The following LMTK3 variants were observed in gnomAD, a reference collection of about 807,000 sequenced individuals.
LMTK3 encodes the protein serine/threonine-protein kinase LMTK3.
LMTK3 carries 27 observed loss-of-function variants against 116.7 expected under a neutral mutation model. The observed-to-expected ratio is 0.23, with a 90% CI of 0.17 to 0.32. The LOEUF (loss-of-function observed/expected upper bound fraction) is 0.32. Ranked by LOEUF, LMTK3 falls within the 10% of genes least tolerant of loss-of-function variation. The pLI, the probability that LMTK3 is intolerant of heterozygous loss-of-function variation, is 1.00. For missense variants in LMTK3, 1,764 were observed against 2,068.5 expected (o/e 0.85, Z 2.86); for synonymous variants, 965 against 971.0 (o/e 0.99, Z 0.11).
At chr19:48,486,912 C>A (rs547934188) in intron 14 of LMTK3, among the ~76,000 whole-genome samples, 1 of 152,174 alleles carries the variant, frequency 6.6e-6, no homozygotes, top group African/African-American at 2.4e-5. Context: ...GTTGCCCAGG[C>A]TGGCATGCAG....
In LMTK3 at chr19:48,497,168, G is replaced by GT. The variant is rs1972342298; in HGVS notation, c.3676+224dup. Among the ~76,000 whole-genome samples the GT allele has an allele frequency of 6.6e-6, 1 of 152,188 alleles. No individual in the cohort carries two copies. Among genetic ancestry groups the GT allele is most frequent in the Non-Finnish European group, 1.5e-5 (1 of 68,024 alleles). ...GACGTAGGTTCTATCCCTGCCATCC[G>GT]TTTTTGGCAGATGGGTAAACTGAGG... On this transcript the variant is annotated intron_variant, in intron 11 of 14. Coordinates refer to ENST00000600059, the MANE Select transcript of LMTK3 (RefSeq NM_001388485.1). The surrounding 1 kb of genome is among the most constrained non-coding windows in gnomAD (Gnocchi z 5.7).
In LMTK3 at chr19:48,498,684, G is replaced by A; in HGVS notation, c.2385C>T (p.Tyr795=). ...CTGGGGAAAAAGGGGTCTCGGTCTC[G>A]TAGCCGCTGTCCCCCGGCTTGGGGC... ...SPGPKPGDSG[Y]ETETPFSPEG... Residue 795 remains tyrosine (Y), a synonymous_variant, in exon 11 of 15, where the codon TAC becomes TAT. Coordinates refer to ENST00000600059, the MANE Select transcript of LMTK3 (RefSeq NM_001388485.1). 1 of 1,536,242 alleles carries A rather than the reference G, an allele frequency of 6.5e-7. No individual in the cohort carries two copies. The highest frequency in any genetic ancestry group is 1.2e-5 in the South Asian group (1 of 83,952).
chr19:48,501,088 G>T lies in LMTK3; in HGVS notation c.1059C>A (p.His353Gln). ...LFEFGAQPYR[H>Q]LSDEEVLAFV... Reference sequence around the variant, plus strand: ...AGGCGAGGACCTCCTCGTCTGACAGGTGGCGGTAGGGCTGGGCCCCAAACT... The same window carrying T: ...AGGCGAGGACCTCCTCGTCTGACAGTTGGCGGTAGGGCTGGGCCCCAAACT... The change falls in exon 10 of 15, where the codon CAC (histidine) becomes CAA (glutamine). Residue 353 changes from histidine (H) to glutamine (Q), a missense_variant. His to Gln is a conservative substitution (Grantham distance 24). Transcript: ENST00000600059. 6.3e-7 allele frequency: 1 copy of T among 1,590,686 alleles called. No individual in the cohort carries two copies.
chr19:48,487,737 T>C (rs143527388), intron 14 of LMTK3, among the ~76,000 whole-genome samples: 2,264 of 152,182 alleles, frequency 0.015, 27 homozygotes, highest in Non-Finnish European at 0.022. Flanking sequence ...CAGGTTCTCG[T>C]TGGGGGCCTC....
Position 48,494,396 on chromosome 19 carries a change from C to A in LMTK3, c.3677-287G>T, listed in dbSNP as rs1972288068. On this transcript the variant is annotated intron_variant, in intron 11 of 14. Transcript: ENST00000600059. The surrounding 1 kb of genome is among the most constrained non-coding windows in gnomAD (Gnocchi z 4.0). The stretch of plus-strand genomic sequence containing the variant: ...CTGATTTCTCTGGCCTCTGTCCCCA[C>A]CTCCTCTGGCCTGACCTCCATCTAG... Among the ~76,000 whole-genome samples the A allele has an allele frequency of 6.6e-6, 1 of 152,240 alleles. No individual in the cohort carries two copies. Among genetic ancestry groups the A allele is most frequent in the African/African-American group, 2.4e-5 (1 of 41,464 alleles).
At chr19:48,508,774 G>A in intron 5 of LMTK3, 77 bp downstream of exon 5, 1 of 1,107,838 alleles carries the variant, frequency 9.0e-7, no homozygotes, top group East Asian at 2.3e-5. Flanking sequence ...GATTCCAGGT[G>A]TGACCCCATA....
chr19:48,510,518 C>T lies in LMTK3; in HGVS notation c.151G>A (p.Ala51Thr). The part of the protein sequence containing the change: ...VVLISCSGLL[A>T]FIFLLLTCLC... Reference sequence around the variant, plus strand: ...CAGGTGAGGAGGAGGAAGATGAAGGCCAGCAGGCCGGAGCAGGAAATGAGG... The same window carrying T: ...CAGGTGAGGAGGAGGAAGATGAAGGTCAGCAGGCCGGAGCAGGAAATGAGG... Residue 51 changes from alanine to threonine, a missense_variant, in exon 2 of 15, where the codon GCC (alanine) becomes ACC (threonine). By Grantham distance (58) the Ala-to-Thr change is moderately conservative. Transcript: ENST00000600059. 1 of 1,599,558 alleles carries T rather than the reference C, an allele frequency of 6.3e-7. No homozygotes were observed.
chr19:48,487,733 C>T (rs1972150417), intron 14 of LMTK3, among the ~76,000 whole-genome samples: 1 of 152,066 alleles, frequency 6.6e-6, no homozygotes, highest in African/African-American at 2.4e-5. Flanking sequence ...GGTGCAGGTT[C>T]TCGTTGGGGG....
Position 48,493,726 on chromosome 19 carries a change from G to T in LMTK3, c.4060C>A (p.His1354Asn). 6.3e-7 allele frequency: 1 copy of T among 1,577,308 alleles called. No homozygotes were observed. Among genetic ancestry groups the T allele is most frequent in the African/African-American group, 1.4e-5 (1 of 73,692 alleles). The change falls in exon 12 of 15, where the codon CAC becomes AAC. Residue 1354 changes from histidine to asparagine, a missense_variant. This residue lies in a region of LMTK3 where 281 missense variants were observed against 301.4 expected (regional missense o/e 0.93). Coordinates refer to ENST00000600059, the MANE Select transcript of LMTK3 (RefSeq NM_001388485.1). ...AAGAGGTAGACGGTCACGTCCCCGT[G>T]GAAGGAGACCATCTTGCGCTTCCTC... ...LERKRKMVSF[H>N]GDVTVYLFDQ...
At position 48,497,971 on chromosome 19, in the gene LMTK3, G is replaced by A; in HGVS notation, c.3098C>T (p.Thr1033Met). 1.3e-6 allele frequency: 2 copies of A among 1,596,668 alleles called. No individual in the cohort carries two copies. Among genetic ancestry groups the A allele is most frequent in the Middle Eastern group, 1.7e-4 (1 of 5,966 alleles). The change falls in exon 11 of 15, where the codon ACG (threonine) becomes ATG (methionine). Residue 1033 changes from threonine (T) to methionine (M), a missense_variant. Thr to Met is a moderately conservative substitution (Grantham distance 81). Transcript: ENST00000600059. This position sits in a 1 kb window ranked among gnomAD's most constrained non-coding sequence, Gnocchi z 5.7. ...PWRAPGPWEK[T>M]PESWGPAPTI... ...GGGGGCTGGACCCCAACTCTCGGGC[G>A]TCTTCTCCCAGGGCCCTGGGGCTCT...
At chr19:48,503,582 TCCCTGG>T (rs1972510686) in intron 5 of LMTK3, among the ~76,000 whole-genome samples, 1 of 151,988 alleles carries the variant, frequency 6.6e-6, no homozygotes, top group African/African-American at 2.4e-5. Flanking sequence ...CCTCCCAGCC[TCCCTGG>T]CTCTAGTCTC....
chr19:48,512,330 A>G (rs548801376), upstream of LMTK3, among the ~76,000 whole-genome samples: 21 of 152,272 alleles, frequency 1.4e-4, no homozygotes, highest in African/African-American at 4.8e-4. Context: ...GCACCCGGCC[A>G]CGCAGGAACG....
Position 48,491,394 on chromosome 19 carries a change from C to T in LMTK3, c.4228+10G>A, listed in dbSNP as rs907420874. 71 of 1,401,252 alleles carry T rather than the reference C, an allele frequency of 5.1e-5. No homozygotes were observed. In the African/African-American group the frequency reaches 9.8e-4, roughly 19 times the overall value. 86.8% of individuals were successfully genotyped at this position (1,401,252 alleles called of 1,614,324 possible). ...CCCGCCCCCTCCCGCCCCATAGGGC[C>T]CGTCCTCACCAAAGCCGCTGTCGTT... is the stretch of plus-strand genomic sequence containing the variant. On this transcript the variant is annotated intron_variant, in intron 13 of 14. Coordinates refer to ENST00000600059, the MANE Select transcript of LMTK3 (RefSeq NM_001388485.1). This position sits in a 1 kb window ranked among gnomAD's most constrained non-coding sequence, Gnocchi z 5.1.
At position 48,493,625 on chromosome 19, in the gene LMTK3, C is replaced by T. The variant is rs184541494; in HGVS notation, c.4092+69G>A. 7.7e-5 allele frequency: 115 copies of T among 1,502,920 alleles called. 1 individual carries two copies. The highest frequency in any genetic ancestry group is 9.4e-5 in the Non-Finnish European group (105 of 1,122,842). The allele number at this position is 1,502,920 out of a possible 1,614,324, so 93.1% of individuals were successfully genotyped here. On this transcript the variant is annotated intron_variant, in intron 12 of 14. Coordinates refer to ENST00000600059, the MANE Select transcript of LMTK3 (RefSeq NM_001388485.1). ...TCTAAGCTCGGCCTCCCGCCAGGCC[C>T]TTCCCGGCTCTAGGCTCCTGCTCCC...
At position 48,490,524 on chromosome 19, in the gene LMTK3, C is replaced by CAAAAAA. The variant is rs397860073; in HGVS notation, c.4366+578_4366+583dup. On this transcript the variant is annotated intron_variant, in intron 14 of 14. Transcript: ENST00000600059. ...TGGGCGACAGAGCGAGACTCCGTCT[C>CAAAAAA]AAAAAAAAAAAAAAAAAAAAAAAAA... Among the ~76,000 whole-genome samples the CAAAAAA allele has an allele frequency of 6.0e-4, 29 of 48,082 alleles. 2 individuals carry two copies. Among genetic ancestry groups the CAAAAAA allele is most frequent in the African/African-American group, 1.9e-3 (25 of 13,020 alleles). The allele number at this position is 48,082 out of a possible 152,430, so 31.5% of individuals were successfully genotyped here.
intron 5 of LMTK3, among the ~76,000 whole-genome samples, chr19:48,505,103 CTTTTTTTTT>C (rs33927563): frequency 9.0e-5 from 5 of 55,584 alleles, no homozygotes; most frequent in East Asian, 4.8e-4. Flanking sequence ...CTCTCTCTCT[CTTTTTTTTT>C]TTTTTTTTTT....
At position 48,488,738 on chromosome 19, in the gene LMTK3, C is replaced by CT. The variant is rs35544294; in HGVS notation, c.4366+2369dup. On this transcript the variant is annotated intron_variant, in intron 14 of 14. Coordinates refer to ENST00000600059, the MANE Select transcript of LMTK3 (RefSeq NM_001388485.1). ...CCTTCCAGTTCCCAGTTAAATTACACTTTTTTTTTTTTTTTTTTGAGATGG... is the reference window on the plus strand; with the variant it reads ...CCTTCCAGTTCCCAGTTAAATTACACTTTTTTTTTTTTTTTTTTTGAGATGG... Among the ~76,000 whole-genome samples, 592 of 112,894 alleles carry CT rather than the reference C, an allele frequency of 5.2e-3. 1 individual carries two copies. Among genetic ancestry groups the CT allele is most frequent in the East Asian group, 0.012 (54 of 4,398 alleles). 74.1% of individuals were successfully genotyped at this position (112,894 alleles called of 152,430 possible). A position where few individuals can be genotyped will look rare whatever the true frequency, so the allele number is the denominator to read the frequency against.
rs756901559 is a variant in LMTK3, at chr19:48,497,923, T to A, written c.3146A>T (p.Glu1049Val). 1 of 1,530,760 alleles carries A rather than the reference T, an allele frequency of 6.5e-7. No homozygotes were observed. The highest frequency in any genetic ancestry group is 1.3e-5 in the South Asian group (1 of 78,064). The allele number at this position is 1,530,760 out of a possible 1,614,324, so 94.8% of individuals were successfully genotyped here. A position where few individuals can be genotyped will look rare whatever the true frequency, so the allele number is the denominator to read the frequency against. Residue 1049 changes from glutamate (E) to valine (V), a missense_variant, in exon 11 of 15, where the codon GAG (glutamate) becomes GTG (valine). By Grantham distance (121) the Glu-to-Val change is moderately radical (BLOSUM62 -2). Coordinates refer to ENST00000600059, the MANE Select transcript of LMTK3 (RefSeq NM_001388485.1). This position sits in a 1 kb window ranked among gnomAD's most constrained non-coding sequence, Gnocchi z 5.7. The stretch of plus-strand genomic sequence containing the variant: ...TGCAGGGGCTCTCTCCAGAGAGGTC[T>A]CTGGGGCTGGCTCCCCGATCGTGGG... ...PAPTIGEPAPETSLERAPAPS... is the reference protein window; with the variant it reads ...PAPTIGEPAPVTSLERAPAPS...
At chr19:48,503,159 T>TGG (rs2147552970) in intron 5 of LMTK3, among the ~76,000 whole-genome samples, 163 bp from the exon 6 acceptor site, 1 of 152,340 alleles carries the variant, frequency 6.6e-6, no homozygotes, top group African/African-American at 2.4e-5. Context: ...GCGGGAGTCC[T>TGG]GCCTCAGCCT....
Sources: allele counts gnomAD v4.1 joint callset (sites outside exome capture counted in the v4.1 genomes callset), GRCh38; gene constraint gnomAD v4.1.1; regional missense constraint gnomAD v4.1.1; non-coding constraint Gnocchi (gnomAD v3.1); transcripts MANE v1.5; gene names NCBI Gene and HGNC (gene_info 2026-07-23, HGNC 2026-07-21).